Variants in RBFOX1 observed in about 807,000 individuals in gnomAD.
The protein encoded by RBFOX1 is RNA binding fox-1 homolog 1, also known as RNA binding protein fox-1 homolog 1.
Under a neutral mutation model 57.7 loss-of-function variants are expected in RBFOX1, and 8 were observed. The observed-to-expected ratio is 0.14, with a 90% CI of 0.08 to 0.25. RBFOX1 has a LOEUF of 0.25. RBFOX1 is among the 10% of genes least tolerant of loss of function. RBFOX1 has a pLI of 1.00. For missense variants in RBFOX1, 611 were observed against 548.5 expected, an observed-to-expected ratio of 1.11 and a Z score of -1.14; for synonymous variants, 326 against 222.4, an observed-to-expected ratio of 1.47 and a Z score of -4.15.
intron 1 of RBFOX1, among the ~76,000 whole-genome samples, chr16:6,118,598 T>G (rs1259802360): frequency 1.3e-5 from 2 of 151,986 alleles, no homozygotes; most frequent in African/African-American, 2.4e-5. Context: ...TCTCCCTCTC[T>G]TTCTCTGTCT....
intron 4 of RBFOX1, among the ~76,000 whole-genome samples, chr16:7,440,681 C>CA (rs2098758996): frequency 6.6e-6 from 1 of 152,120 alleles, no homozygotes; most frequent in African/African-American, 2.4e-5. Context: ...GAATGAGTAA[C>CA]ACAGTACTGA....
At chr16:5,752,099 G>A (rs1171233828) in intron 3 of RBFOX1, among the ~76,000 whole-genome samples, 1 of 150,040 alleles carries the variant, frequency 6.7e-6, no homozygotes, top group Non-Finnish European at 1.5e-5. Context: ...ATAAAAAAAA[G>A]AACGAGATCA....
At chr16:6,351,286 T>C (rs899496801) in intron 2 of RBFOX1, among the ~76,000 whole-genome samples, 39 of 148,074 alleles carry the variant, frequency 2.6e-4, no homozygotes, top group Non-Finnish European at 1.0e-4. Flanking sequence ...AGAATATATA[T>C]AAAATAATAT....
intron 2 of RBFOX1, 117 bp from the exon 3 acceptor site, chr16:6,654,486 G>T (rs1258450191): frequency 2.6e-6 from 2 of 778,812 alleles, no homozygotes; most frequent in Non-Finnish European, 4.0e-6. Flanking sequence ...GAACTATTAG[G>T]AGCATGAGCT....
At chr16:7,340,049 T>C (rs2096864082) in intron 4 of RBFOX1, among the ~76,000 whole-genome samples, 1 of 152,214 alleles carries the variant, frequency 6.6e-6, no homozygotes, top group Admixed American at 6.5e-5. Flanking sequence ...GTCTCATTGG[T>C]AGATCTTATA....
At chr16:6,728,842 G>A (rs28546390) in intron 3 of RBFOX1, among the ~76,000 whole-genome samples, 1,567 of 152,194 alleles carry the variant, frequency 0.01, 33 homozygotes, top group African/African-American at 0.035. Flanking sequence ...AATTCATGTA[G>A]CATTCAAAAC....
intron 3 of RBFOX1, among the ~76,000 whole-genome samples, chr16:5,624,207 C>T (rs914686087): frequency 1.3e-5 from 2 of 152,150 alleles, no homozygotes; most frequent in African/African-American, 2.4e-5. Context: ...CCCAGAGACT[C>T]TTTTTGAGAC....
chr16:5,785,190 A>C (rs1018609258), intron 3 of RBFOX1, among the ~76,000 whole-genome samples: 2 of 152,190 alleles, frequency 1.3e-5, no homozygotes, highest in African/African-American at 4.8e-5. Context: ...GCTATGTGGT[A>C]TCTCTTTCCC....
chr16:6,795,597 C>T (rs2083821901), intron 3 of RBFOX1, among the ~76,000 whole-genome samples: 1 of 151,924 alleles, frequency 6.6e-6, no homozygotes, highest in South Asian at 2.1e-4. Flanking sequence ...GAAACCCTGT[C>T]TCTACTAAAA....
intron 2 of RBFOX1, among the ~76,000 whole-genome samples, chr16:5,475,404 AT>A (rs1454207365): frequency 6.6e-6 from 1 of 152,234 alleles, no homozygotes; most frequent in Admixed American, 6.5e-5. Flanking sequence ...AAAGTCAAGA[AT>A]GAGATGACAG....
chr16:6,855,564 A>T (rs2057694498), intron 3 of RBFOX1, among the ~76,000 whole-genome samples: 1 of 151,510 alleles, frequency 6.6e-6, no homozygotes, highest in Non-Finnish European at 1.5e-5. Context: ...GAGGCAGGAG[A>T]ATGGCGTGAA....
intron 4 of RBFOX1, among the ~76,000 whole-genome samples, chr16:6,006,777 C>A (rs182110569): frequency 6.6e-6 from 1 of 152,226 alleles, no homozygotes; most frequent in Admixed American, 6.5e-5. Context: ...CAAGGCCAGA[C>A]AAGAGGCGAT....
rs142949330 is a variant in RBFOX1 at position 6,992,136 on chromosome 16, A to G, written c.-15-59921A>G. Among the ~76,000 whole-genome samples, 96 of 151,892 alleles carry G rather than the reference A, an allele frequency of 6.3e-4. No homozygotes were observed. The East Asian group carries it at 0.017, about 26-fold the overall frequency. ...CTGTCTCTTCCTTTCCAGTCTGTGT[A>G]GGAAGCAGAACCAAGCTCATAGAGA... On this transcript the variant is annotated intron_variant, in intron 3 of 15. Transcript: ENST00000550418.
chr16:6,878,462 T>A (rs2062257304), intron 3 of RBFOX1, among the ~76,000 whole-genome samples: 1 of 152,190 alleles, frequency 6.6e-6, no homozygotes, highest in African/African-American at 2.4e-5. Flanking sequence ...CCACCCTGTC[T>A]CTTACCACCA....
chr16:5,260,048 A>G (rs2062695209), intron 1 of RBFOX1, among the ~76,000 whole-genome samples: 1 of 152,172 alleles, frequency 6.6e-6, no homozygotes, highest in Non-Finnish European at 1.5e-5. Context: ...TAAAAATACA[A>G]AAATTAGTCA....
intron 3 of RBFOX1, among the ~76,000 whole-genome samples, chr16:5,863,015 T>A (rs945115060): frequency 6.6e-5 from 10 of 152,146 alleles, no homozygotes; most frequent in African/African-American, 2.4e-4. Context: ...GTCTCCATCA[T>A]GTGGCAGAAT....
chr16:5,809,412 G>C (rs528266416), intron 3 of RBFOX1, among the ~76,000 whole-genome samples: 1 of 143,576 alleles, frequency 7.0e-6, no homozygotes, highest in Non-Finnish European at 1.5e-5. Flanking sequence ...GAAAATTTTC[G>C]CAACCTACTC....
intron 13 of RBFOX1, among the ~76,000 whole-genome samples, chr16:7,674,580 T>G (rs974081061): frequency 6.6e-6 from 1 of 152,188 alleles, no homozygotes; most frequent in Non-Finnish European, 1.5e-5. Context: ...GATAATAAAG[T>G]CATAAATAAT....
intron 2 of RBFOX1, among the ~76,000 whole-genome samples, chr16:6,537,578 A>AGACCACGCT (rs1166137936): frequency 6.6e-6 from 1 of 152,176 alleles, no homozygotes; most frequent in Admixed American, 6.5e-5. Flanking sequence ...ATGATTTCAG[A>AGACCACGCT]GACCACGCTG....
Sources: gnomAD v4.1 joint callset for allele counts (sites outside exome capture counted in the v4.1 genomes callset) on GRCh38, gnomAD v4.1.1 for gene constraint, MANE v1.5 for transcripts, NCBI Gene and HGNC (gene_info 2026-07-23, HGNC 2026-07-21) for gene names.